The following ZSCAN26 variants were observed in gnomAD, a reference collection of about 807,000 sequenced individuals.
ZSCAN26 encodes the protein zinc finger and SCAN domain containing 26.
A neutral mutation model predicts 23.0 loss-of-function variants in ZSCAN26; 26 were observed. The ratio of observed to expected loss-of-function variants is 1.13; its 90% CI spans 0.83 to 1.57. The LOEUF (loss-of-function observed/expected upper bound fraction) is 1.57, where lower values mean the gene tolerates loss of function less well. Ranked by LOEUF, ZSCAN26 falls within the 40% of genes most tolerant of loss-of-function variation. The pLI is 0.00. For synonymous variants in ZSCAN26, 180 were observed against 202.5 expected (o/e 0.89, Z 0.94); for missense variants, 528 against 568.5 (o/e 0.93, Z 0.72).
intron 1 of ZSCAN26, among the ~76,000 whole-genome samples, chr6:28,270,666 C>A (rs1157875368): frequency 1.3e-5 from 2 of 152,200 alleles, no homozygotes; most frequent in Non-Finnish European, 2.9e-5. Flanking sequence ...TCTACATTAG[C>A]CCTTTCTAGT....
intron 1 of ZSCAN26, among the ~76,000 whole-genome samples, chr6:28,270,106 G>A (rs1056433774): frequency 6.6e-6 from 1 of 152,076 alleles, no homozygotes; most frequent in Non-Finnish European, 1.5e-5. Context: ...ACCACACCCG[G>A]CTCATTTTTT....
At position 28,276,890 on chromosome 6, in the gene ZSCAN26, C is replaced by T. The variant is rs1458796800; in HGVS notation, c.1234C>T (p.Arg412Ter). ...TTTCAGTTTGACCTCAGACCTTATT[C>T]GACACCACAGAATTCATACTGGAGA... ...KAFSLTSDLI[R>*]HHRIHTGEKP... is the part of the protein sequence containing the mutation. The change falls in exon 4 of 4, where the codon CGA (arginine) becomes TGA (stop). Residue 412 changes from arginine to a stop codon, truncating the protein, a stop_gained. Transcript: ENST00000421553. LOFTEE classifies it low-confidence loss of function (END_TRUNC). 18 of 1,613,822 alleles carry T rather than the reference C, an allele frequency of 1.1e-5. No homozygotes were observed. Among genetic ancestry groups the T allele is most frequent in the East Asian group, 8.9e-5 (4 of 44,896 alleles).
rs1393648227 is a variant in ZSCAN26, at chr6:28,276,900, G to C, written c.1244G>C (p.Arg415Thr). 6.2e-7 allele frequency: 1 copy of C among 1,613,962 alleles called. No individual in the cohort carries two copies. Among genetic ancestry groups the C allele is most frequent in the East Asian group, 2.2e-5 (1 of 44,886 alleles). ...ACCTCAGACCTTATTCGACACCACAGAATTCATACTGGAGAAAAACCTTTC... is the reference window on the plus strand; with the variant it reads ...ACCTCAGACCTTATTCGACACCACACAATTCATACTGGAGAAAAACCTTTC... ...SLTSDLIRHH[R>T]IHTGEKPFKC... Residue 415 changes from arginine (R) to threonine (T), a missense_variant, in exon 4 of 4, where the codon AGA becomes ACA. Physicochemically the swap from Arg to Thr is moderately conservative, Grantham distance 71 (BLOSUM62 -1). Coordinates refer to ENST00000421553, the MANE Select transcript of ZSCAN26 (RefSeq NM_001023560.4).
intron 1 of ZSCAN26, among the ~76,000 whole-genome samples, chr6:28,270,659 A>G (rs189412295): frequency 4.3e-4 from 65 of 152,348 alleles, no homozygotes; most frequent in African/African-American, 1.4e-3. Flanking sequence ...CTTATACTCT[A>G]CATTAGCCCT....
Position 28,272,293 on chromosome 6 carries a change from T to C in ZSCAN26, c.374T>C (p.Val125Ala). 1 of 1,582,730 alleles carries C rather than the reference T, an allele frequency of 6.3e-7. No individual in the cohort carries two copies. The stretch of plus-strand genomic sequence containing the variant: ...GAGAGCAGGGAGGACGTGGTTGTTG[T>C]TCTGGAGGATTTGCAGCTGGATCTT... ...HPESREDVVV[V>A]LEDLQLDLGE... The change falls in exon 2 of 4, where the codon GTT becomes GCT. Residue 125 changes from valine (V) to alanine (A), a missense_variant. Transcript: ENST00000421553.
At position 28,276,276 on chromosome 6, in the gene ZSCAN26, C is replaced by G; in HGVS notation, c.620C>G (p.Ser207Cys). 1.9e-6 allele frequency: 3 copies of G among 1,613,966 alleles called. No individual in the cohort carries two copies. Among genetic ancestry groups the G allele is most frequent in the Non-Finnish European group, 2.5e-6 (3 of 1,179,858 alleles). ...CGRVESSGKI[S>C]EPMEAHNEGS... ...AGAGTAGAGTCATCTGGGAAAATAT[C>G]TGAACCCATGGAGGCTCATAATGAG... Residue 207 changes from serine to cysteine, a missense_variant, in exon 4 of 4, where the codon TCT (serine) becomes TGT (cysteine). Ser to Cys is a moderately radical substitution (Grantham distance 112, BLOSUM62 -1). Transcript: ENST00000421553.
intron 1 of ZSCAN26, among the ~76,000 whole-genome samples, chr6:28,269,596 A>G (rs915957913): frequency 1.4e-4 from 21 of 152,186 alleles, no homozygotes; most frequent in Non-Finnish European, 2.6e-4. Flanking sequence ...TCTGAAGGCC[A>G]TAGGCTTGAG....
At chr6:28,276,104 C>A in intron 3 of ZSCAN26, 91 bp from the exon 4 acceptor site, 1 of 1,197,296 alleles carries the variant, frequency 8.4e-7, no homozygotes, top group Non-Finnish European at 1.2e-6. Flanking sequence ...GCACACATGG[C>A]TTCATTATAT....
Position 28,276,781 on chromosome 6 carries a change from C to G in ZSCAN26, c.1125C>G (p.Thr375=), listed in dbSNP as rs777741327. Residue 375 remains threonine, a synonymous_variant, in exon 4 of 4, where the codon ACC becomes ACG. Transcript: ENST00000421553. Reference sequence around the variant, plus strand: ...GTGAGTGCAAGGAGTGTGGAAAAACCTTTAGTCAGGCCTTACTCCTCACCC... The same window carrying G: ...GTGAGTGCAAGGAGTGTGGAAAAACGTTTAGTCAGGCCTTACTCCTCACCC... The part of the protein sequence containing the change: ...EPCECKECGK[T]FSQALLLTHH... 2.5e-6 allele frequency: 4 copies of G among 1,613,890 alleles called. No individual in the cohort carries two copies. In the South Asian group the frequency reaches 4.4e-5, roughly 18 times the overall value.
intron 3 of ZSCAN26, 50 bp downstream of exon 3, chr6:28,272,837 T>C (rs1561875388): frequency 1.6e-5 from 24 of 1,504,022 alleles, no homozygotes; most frequent in Non-Finnish European, 2.0e-5. Context: ...GGACTGTGCC[T>C]TTCCCTCTGA....
chr6:28,273,789 C>T (rs113364767), intron 3 of ZSCAN26, among the ~76,000 whole-genome samples: 1 of 151,528 alleles, frequency 6.6e-6, no homozygotes, highest in African/African-American at 2.4e-5. Context: ...GCAGTCATAG[C>T]TCACTACAGC....
Position 28,272,415 on chromosome 6 carries a change from C to T in ZSCAN26, c.420+76C>T, listed in dbSNP as rs1255935789. The T allele has an allele frequency of 2.1e-5, 30 of 1,413,072 alleles. No individual in the cohort carries two copies. In the East Asian group the frequency reaches 6.7e-4, roughly 32 times the overall value. The allele number at this position is 1,413,072 out of a possible 1,614,324, so 87.5% of individuals were successfully genotyped here. A position where few individuals can be genotyped will look rare whatever the true frequency, so the allele number is the denominator to read the frequency against. On this transcript the variant is annotated intron_variant, in intron 2 of 3. Transcript: ENST00000421553. ...GCCAGACAGGTGGACATGGGCTCAT[C>T]AGCGGAAGGAGAATTACTAAGCTTT... is the stretch of plus-strand genomic sequence containing the variant.
At chr6:28,276,071 A>G (rs993481301) in intron 3 of ZSCAN26, 124 bp from the exon 4 acceptor site, 4 of 803,306 alleles carry the variant, frequency 5.0e-6, no homozygotes, top group African/African-American at 3.5e-5. Flanking sequence ...CGCAATCACA[A>G]GCATCCACAA....
At chr6:28,268,335 G>C (rs1408764032) in intron 1 of ZSCAN26, among the ~76,000 whole-genome samples, 1 of 151,988 alleles carries the variant, frequency 6.6e-6, no homozygotes, top group African/African-American at 2.4e-5. Context: ...AGCTGTGGAA[G>C]GGCCAAGGAG....
chr6:28,269,398 C>T (rs1253199610), intron 1 of ZSCAN26, among the ~76,000 whole-genome samples: 1 of 151,914 alleles, frequency 6.6e-6, no homozygotes, highest in African/African-American at 2.4e-5. Context: ...GTATCTATAT[C>T]GGTAAAGATA....
At chr6:28,270,069 G>C (rs1353866711) in intron 1 of ZSCAN26, among the ~76,000 whole-genome samples, 1 of 151,904 alleles carries the variant, frequency 6.6e-6, no homozygotes, top group African/African-American at 2.4e-5. Flanking sequence ...TTAGCCTCCC[G>C]AGTAGCTAGG....
In ZSCAN26 at chr6:28,276,603, G is replaced by A. The variant is rs1761949882; in HGVS notation, c.947G>A (p.Cys316Tyr). ...LGEKPYQCNE[C>Y]GKVFSQNAGL... ...GAGAAGCCTTATCAGTGCAATGAGT[G>A]TGGCAAAGTCTTTAGCCAGAATGCA... The change falls in exon 4 of 4, where the codon TGT (cysteine) becomes TAT (tyrosine). Residue 316 changes from cysteine (C) to tyrosine (Y), a missense_variant. Coordinates refer to ENST00000421553, the MANE Select transcript of ZSCAN26 (RefSeq NM_001023560.4). 6 of 1,612,556 alleles carry A rather than the reference G, an allele frequency of 3.7e-6. No homozygotes were observed. In the South Asian group the frequency reaches 5.5e-5, roughly 15 times the overall value.
chr6:28,272,589 A>G, intron 2 of ZSCAN26, 81 bp from the exon 3 acceptor site: 1 of 1,196,238 alleles, frequency 8.4e-7, no homozygotes. Flanking sequence ...CTCTTTTTTA[A>G]CACCTAGGTG....
intron 3 of ZSCAN26, 87 bp downstream of exon 3, chr6:28,272,874 G>GT: frequency 1.8e-6 from 2 of 1,139,356 alleles, no homozygotes; most frequent in South Asian, 1.5e-5. Context: ...CTTGTATTTT[G>GT]TTTTTTGCTT....
Sources: gnomAD v4.1 joint callset for allele counts (sites outside exome capture counted in the v4.1 genomes callset) on GRCh38, gnomAD v4.1.1 for gene constraint, MANE v1.5 for transcripts, NCBI Gene and HGNC (gene_info 2026-07-23, HGNC 2026-07-21) for gene names.